Variants in CERS6 observed in about 807,000 individuals in gnomAD.
CERS6 encodes LAG1 homolog, ceramide synthase 6.
CERS6 carries 26 observed loss-of-function variants against 56.8 expected under a neutral mutation model. That is an observed-to-expected ratio of 0.46 (90% CI 0.34 to 0.63). The LOEUF is 0.63. CERS6 is among the 30% of genes least tolerant of loss of function. The pLI is 0.01. For missense variants in CERS6, 415 were observed against 467.5 expected (o/e 0.89, Z 1.04); for synonymous variants, 164 against 173.3 (o/e 0.95, Z 0.42).
At chr2:168,569,544 T>G (rs1695944099) in intron 3 of CERS6, among the ~76,000 whole-genome samples, 1 of 152,258 alleles carries the variant, frequency 6.6e-6, no homozygotes, top group African/African-American at 2.4e-5. Flanking sequence ...TGCACACGCG[T>G]GTGTGCATAT....
intron 3 of CERS6, among the ~76,000 whole-genome samples, chr2:168,610,869 G>A (rs1684172557): frequency 1.3e-5 from 2 of 152,224 alleles, no homozygotes; most frequent in South Asian, 2.1e-4. Flanking sequence ...GTGCAGTGGT[G>A]CAATCTCGGC....
intron 8 of CERS6, among the ~76,000 whole-genome samples, chr2:168,721,162 G>A (rs968466799): frequency 1.3e-5 from 2 of 152,192 alleles, no homozygotes; most frequent in African/African-American, 4.8e-5. Context: ...TGCTGTCTCT[G>A]TGAACTTACA....
chr2:168,536,254 A>G (rs2105365659), intron 1 of CERS6, among the ~76,000 whole-genome samples: 1 of 152,304 alleles, frequency 6.6e-6, no homozygotes, highest in South Asian at 2.1e-4. Flanking sequence ...CTTTGATCAG[A>G]GTTCTGTACT....
At chr2:168,558,669 A>G (rs533896427) in intron 2 of CERS6, among the ~76,000 whole-genome samples, 4 of 152,348 alleles carry the variant, frequency 2.6e-5, no homozygotes, top group South Asian at 2.1e-4. Flanking sequence ...GGAGATCGAG[A>G]CCATCCTGGC....
intron 3 of CERS6, among the ~76,000 whole-genome samples, chr2:168,563,733 C>T (rs1471648191): frequency 1.3e-5 from 2 of 152,104 alleles, no homozygotes; most frequent in Non-Finnish European, 1.5e-5. Flanking sequence ...GGAGGTGGAG[C>T]TTGCAGTGAG....
intron 3 of CERS6, among the ~76,000 whole-genome samples, chr2:168,625,328 G>A (rs556632002): frequency 9.9e-5 from 15 of 152,038 alleles, no homozygotes; most frequent in East Asian, 1.9e-4. Flanking sequence ...GATTGATCAC[G>A]TTAGAAGTTG....
chr2:168,519,863 CTA>C (rs1221177166), intron 1 of CERS6, among the ~76,000 whole-genome samples: 1 of 152,070 alleles, frequency 6.6e-6, no homozygotes, highest in African/African-American at 2.4e-5. Context: ...TTTGTCTTTG[CTA>C]TTTGACTAGT....
At chr2:168,577,470 G>A (rs560155578) in intron 3 of CERS6, among the ~76,000 whole-genome samples, 9 of 152,202 alleles carry the variant, frequency 5.9e-5, no homozygotes, top group African/African-American at 2.2e-4. Context: ...ATTAGAGGAG[G>A]AATTTGGGGT....
At chr2:168,692,840 A>G (rs1349658958) in intron 5 of CERS6, among the ~76,000 whole-genome samples, 1 of 152,134 alleles carries the variant, frequency 6.6e-6, no homozygotes, top group Non-Finnish European at 1.5e-5. Flanking sequence ...CTATGTAAAT[A>G]TATAGATTCC....
intron 8 of CERS6, among the ~76,000 whole-genome samples, chr2:168,725,942 C>A (rs1054461845): frequency 4.6e-5 from 7 of 152,330 alleles, no homozygotes; most frequent in South Asian, 2.1e-4. Flanking sequence ...TAAGCTGTTA[C>A]AATTTTCATT....
chr2:168,688,050 C>T (rs139240048), intron 4 of CERS6, among the ~76,000 whole-genome samples: 1 of 152,088 alleles, frequency 6.6e-6, no homozygotes, highest in Non-Finnish European at 1.5e-5. Flanking sequence ...TTCCTTGATG[C>T]TGTAACGTCA....
intron 4 of CERS6, among the ~76,000 whole-genome samples, chr2:168,669,744 A>G (rs930560131): frequency 3.3e-5 from 5 of 152,200 alleles, no homozygotes; most frequent in African/African-American, 9.6e-5. Context: ...CCCGGGAATA[A>G]CAACCACTGC....
At chr2:168,704,638 G>A (rs1686890612) in intron 6 of CERS6, among the ~76,000 whole-genome samples, 2 of 152,014 alleles carry the variant, frequency 1.3e-5, no homozygotes, top group South Asian at 2.1e-4. Flanking sequence ...GACGAGTCTC[G>A]CTTTGTCGCC....
intron 2 of CERS6, among the ~76,000 whole-genome samples, chr2:168,558,953 G>C (rs1353296583): frequency 6.6e-6 from 1 of 152,198 alleles, no homozygotes; most frequent in African/African-American, 2.4e-5. Context: ...TATCTGACAA[G>C]AAGGGGAGAA....
intron 8 of CERS6, among the ~76,000 whole-genome samples, chr2:168,733,723 T>C (rs762040598): frequency 2.0e-5 from 3 of 152,174 alleles, no homozygotes; most frequent in Non-Finnish European, 4.4e-5. Flanking sequence ...AACAAAAGCC[T>C]CTGACAATTC....
Position 168,694,946 on chromosome 2 carries a change from CT to C in CERS6, c.517-10del. The C allele has an allele frequency of 6.3e-7, 1 of 1,594,934 alleles. No homozygotes were observed. Among genetic ancestry groups the C allele is most frequent in the Non-Finnish European group, 8.5e-7 (1 of 1,170,336 alleles). On this transcript the variant is annotated splice_polypyrimidine_tract_variant and intron_variant, in intron 5 of 9. Transcript: ENST00000305747. ...TAACTACTAATCATTCCTTTTTTTT[CT>C]TTCACCTTCAGCCACTCACAACTGA...
Position 168,724,783 on chromosome 2 carries a change from G to C in CERS6, c.845+6805G>C, listed in dbSNP as rs188924392. 4.4e-3 allele frequency among the ~76,000 whole-genome samples: 666 copies of C among 152,350 alleles called. 4 individuals are homozygous for C. Among genetic ancestry groups the C allele is most frequent in the Non-Finnish European group, 7.6e-3 (514 of 68,026 alleles). ...TGGTGTATTTACAATCCCTGAGCTA[G>C]ACATAAAGGTTCTCCAAGGCCCCAC... On this transcript the variant is annotated intron_variant, in intron 8 of 9. Coordinates refer to ENST00000305747, the MANE Select transcript of CERS6 (RefSeq NM_203463.3).
intron 1 of CERS6, among the ~76,000 whole-genome samples, chr2:168,505,293 G>A (rs1295409394): frequency 2.8e-5 from 4 of 141,958 alleles, no homozygotes; most frequent in African/African-American, 1.0e-4. Flanking sequence ...GAGGTGGGAG[G>A]ATTGATTGAG....
At chr2:168,524,649 G>A (rs1477229600) in intron 1 of CERS6, among the ~76,000 whole-genome samples, 3 of 152,130 alleles carry the variant, frequency 2.0e-5, no homozygotes, top group African/African-American at 7.2e-5. Context: ...TGAATGATGT[G>A]GCTGCTAAAA....
Sources: gnomAD v4.1 joint callset for allele counts (sites outside exome capture counted in the v4.1 genomes callset) on GRCh38, gnomAD v4.1.1 for gene constraint, MANE v1.5 for transcripts, NCBI Gene and HGNC (gene_info 2026-07-23, HGNC 2026-07-21) for gene names.